PLXNA4: variants seen among roughly 807,000 people sequenced by gnomAD.
PLXNA4 encodes plexin-A4.
PLXNA4 carries 44 observed loss-of-function variants against 191.8 expected under a neutral mutation model. The observed-to-expected ratio is 0.23, with a 90% CI of 0.18 to 0.29. The LOEUF is 0.29. PLXNA4 is among the 10% of genes least tolerant of loss of function. PLXNA4 has a pLI of 1.00. For missense variants in PLXNA4, 1,800 were observed against 2,488.8 expected, an observed-to-expected ratio of 0.72 and a Z score of 5.89; for synonymous variants, 1,082 against 1,009.5, an observed-to-expected ratio of 1.07 and a Z score of -1.36.
chr7:132,256,790 C>T (rs1053773253), intron 4 of PLXNA4, among the ~76,000 whole-genome samples: 1 of 152,118 alleles, frequency 6.6e-6, no homozygotes, highest in South Asian at 2.1e-4. Flanking sequence ...CTGGCCTTGA[C>T]CATAGGGAGC....
In PLXNA4 at chr7:132,182,149, A is replaced by T. The variant is rs551870851; in HGVS notation, c.3200T>A (p.Leu1067His). The change falls in exon 17 of 32, where the codon CTC becomes CAC. Residue 1067 changes from leucine to histidine, a missense_variant. Coordinates refer to ENST00000321063, the MANE Select transcript of PLXNA4 (RefSeq NM_020911.2). Reference protein sequence around the residue: ...PIAVWGTHLDLIQNPQIRAKH... With the variant: ...PIAVWGTHLDHIQNPQIRAKH... The stretch of plus-strand genomic sequence containing the variant: ...GGCACGGATCTGGGGGTTCTGTATG[A>T]GGTCCAGGTGGGTCCCCCATACGGC... 41 of 1,614,184 alleles carry T rather than the reference A, an allele frequency of 2.5e-5. No homozygotes were observed. In the East Asian group the frequency reaches 7.8e-4, roughly 31 times the overall value.
At chr7:132,374,477 G>A (rs1804575839) in intron 3 of PLXNA4, among the ~76,000 whole-genome samples, 1 of 152,180 alleles carries the variant, frequency 6.6e-6, no homozygotes, top group African/African-American at 2.4e-5. Flanking sequence ...ACCAGCAAAG[G>A]CTGGAGGGAA....
chr7:132,270,946 GTTC>G (rs1476641810), intron 4 of PLXNA4, among the ~76,000 whole-genome samples: 4 of 152,116 alleles, frequency 2.6e-5, no homozygotes, highest in African/African-American at 9.7e-5. Context: ...CTTACATCTG[GTTC>G]TTATTTTTTT....
At chr7:132,258,059 C>G (rs1361919953) in intron 4 of PLXNA4, among the ~76,000 whole-genome samples, 1 of 152,238 alleles carries the variant, frequency 6.6e-6, no homozygotes. Flanking sequence ...AGCTCCACCC[C>G]GTAGGGCCCA....
intron 3 of PLXNA4, among the ~76,000 whole-genome samples, chr7:132,451,754 C>A (rs1007504617): frequency 2.0e-5 from 3 of 152,336 alleles, no homozygotes; most frequent in African/African-American, 7.2e-5. Context: ...GCAGTGCCGG[C>A]CCCTGGAAGA....
intron 3 of PLXNA4, among the ~76,000 whole-genome samples, chr7:132,392,009 T>C (rs1481499748): frequency 6.6e-6 from 1 of 151,926 alleles, no homozygotes; most frequent in Non-Finnish European, 1.5e-5. Flanking sequence ...GTACCTGTAA[T>C]GCAAGCTACT....
At chr7:132,308,821 C>T (rs1381269944) in intron 3 of PLXNA4, among the ~76,000 whole-genome samples, 1 of 152,134 alleles carries the variant, frequency 6.6e-6, no homozygotes. Context: ...GCAATGATTA[C>T]TATTCAAATG....
At chr7:132,510,139 G>A (rs1798649241) in intron 1 of PLXNA4, among the ~76,000 whole-genome samples, 1 of 152,138 alleles carries the variant, frequency 6.6e-6, no homozygotes. Flanking sequence ...AGAGAATTCA[G>A]GGCAGGAATT....
At chr7:132,403,082 C>A (rs139483676) in intron 3 of PLXNA4, among the ~76,000 whole-genome samples, 11 of 152,342 alleles carry the variant, frequency 7.2e-5, no homozygotes, top group Admixed American at 2.0e-4. Flanking sequence ...AGAGGGCAGG[C>A]TGGGCAGCCA....
At chr7:132,242,742 T>C (rs1015777710) in intron 4 of PLXNA4, among the ~76,000 whole-genome samples, 1 of 152,206 alleles carries the variant, frequency 6.6e-6, no homozygotes, top group African/African-American at 2.4e-5. Context: ...TCTTTTCTTT[T>C]ATTACTGCTC....
chr7:132,396,203 T>G (rs1020358451), intron 3 of PLXNA4, among the ~76,000 whole-genome samples: 1 of 152,192 alleles, frequency 6.6e-6, no homozygotes, highest in Non-Finnish European at 1.5e-5. Flanking sequence ...TCAGTACAGA[T>G]ACTGAAGAGT....
At chr7:132,380,907 G>A (rs10273699) in intron 3 of PLXNA4, among the ~76,000 whole-genome samples, 25,658 of 152,198 alleles carry the variant, frequency 0.17, 2,780 homozygotes, top group African/African-American at 0.28. Context: ...AAATTAGGCA[G>A]GATACCAGGA....
intron 3 of PLXNA4, among the ~76,000 whole-genome samples, chr7:132,445,155 A>AG (rs1352046950): frequency 3.1e-5 from 2 of 64,074 alleles, no homozygotes; most frequent in Admixed American, 1.6e-4. Context: ...ACTCCATCTC[A>AG]GGAAAAAAAA....
intron 3 of PLXNA4, among the ~76,000 whole-genome samples, chr7:132,447,462 G>T (rs900578768): frequency 5.9e-5 from 9 of 152,198 alleles, no homozygotes; most frequent in African/African-American, 2.2e-4. Flanking sequence ...TGGACCTCTT[G>T]TGGAGGAGAA....
chr7:132,515,497 A>T (rs1463121940), intron 1 of PLXNA4, among the ~76,000 whole-genome samples: 3 of 152,194 alleles, frequency 2.0e-5, no homozygotes, highest in Non-Finnish European at 4.4e-5. Flanking sequence ...GTCTCCCACC[A>T]CAACCTCTCT....
intron 1 of PLXNA4, among the ~76,000 whole-genome samples, chr7:132,573,049 G>A (rs1261060334): frequency 1.3e-5 from 2 of 151,368 alleles, no homozygotes; most frequent in South Asian, 2.1e-4. Context: ...GCGGATGTGC[G>A]CACAAAGCCA....
intron 3 of PLXNA4, among the ~76,000 whole-genome samples, chr7:132,369,611 C>A (rs952848226): frequency 3.3e-5 from 5 of 152,086 alleles, no homozygotes; most frequent in African/African-American, 1.2e-4. Flanking sequence ...AGAAGGACAT[C>A]CCTCAGTAGC....
At chr7:132,260,675 TAAA>T (rs1265701695) in intron 4 of PLXNA4, among the ~76,000 whole-genome samples, 8 of 141,804 alleles carry the variant, frequency 5.6e-5, no homozygotes, top group Non-Finnish European at 9.3e-5. Flanking sequence ...AAATAAAAAT[TAAA>T]AAAAAAAAAA....
chr7:132,633,426 G>A (rs1465806279), intron 2 of PLXNA4, among the ~76,000 whole-genome samples: 1 of 151,988 alleles, frequency 6.6e-6, no homozygotes, highest in Non-Finnish European at 1.5e-5. Context: ...GGGATTACAG[G>A]TGCCCACCAC....
Sources: allele counts gnomAD v4.1 joint callset (sites outside exome capture counted in the v4.1 genomes callset), GRCh38; gene constraint gnomAD v4.1.1; transcripts MANE v1.5; gene names NCBI Gene and HGNC (gene_info 2026-07-23, HGNC 2026-07-21).